Variants in NIBAN1 observed in about 807,000 individuals in gnomAD.
NIBAN1 encodes the protein niban apoptosis regulator 1.
A neutral mutation model predicts 75.1 loss-of-function variants in NIBAN1; 81 were observed. The ratio of observed to expected loss-of-function variants is 1.08; its 90% CI spans 0.90 to 1.30. NIBAN1 has a LOEUF of 1.30. Among genes scored for constraint, NIBAN1 ranks in the 50% most tolerant of loss-of-function variants. The pLI, the probability that NIBAN1 is intolerant of heterozygous loss-of-function variation, is 0.00. For missense variants in NIBAN1, 1,133 were observed against 1,128.1 expected (o/e 1.00, Z -0.06); for synonymous variants, 436 against 424.8 (o/e 1.03, Z -0.32).
Position 184,818,780 on chromosome 1 carries a change from TG to T in NIBAN1, c.1030del (p.Gln344SerfsTer15), listed in dbSNP as rs750030474. 8 of 1,610,596 alleles carry T rather than the reference TG, an allele frequency of 5.0e-6. No individual in the cohort carries two copies. The highest frequency in any genetic ancestry group is 6.8e-6 in the Non-Finnish European group (8 of 1,177,466). On this transcript the variant is annotated frameshift_variant, in exon 9 of 14. Coordinates refer to ENST00000367511, the MANE Select transcript of NIBAN1 (RefSeq NM_052966.4). LOFTEE classifies it high-confidence loss of function. Reference sequence around the variant, plus strand: ...CTCCAGGATGGATGCCAGGAATGGCTGCACACTCTCCAAGCAGCTTTTCTCC... The same window carrying T: ...CTCCAGGATGGATGCCAGGAATGGCTCACACTCTCCAAGCAGCTTTTCTCC... ...PAEKSCLESV[Q>X]PFLASILEEL...
rs558564524 is a variant in NIBAN1, at chr1:184,814,795, T to C, written c.1173+3843A>G. On this transcript the variant is annotated intron_variant, in intron 9 of 13. Transcript: ENST00000367511. ...ACTCCATGGTCTAAGTCAAATTACC[T>C]ATGATAAACCATTAGTTATCAGTGC... 7.2e-5 allele frequency among the ~76,000 whole-genome samples: 11 copies of C among 152,320 alleles called. No individual in the cohort carries two copies. In the South Asian group the frequency reaches 2.1e-3, roughly 29 times the overall value.
chr1:184,928,516 G>T (rs1657739450), intron 1 of NIBAN1, among the ~76,000 whole-genome samples: 1 of 152,126 alleles, frequency 6.6e-6, no homozygotes, highest in Admixed American at 6.5e-5. Flanking sequence ...CTGACCACTG[G>T]GATGCGTGAT....
At chr1:184,891,454 T>G (rs1656664377) in intron 3 of NIBAN1, among the ~76,000 whole-genome samples, 1 of 152,330 alleles carries the variant, frequency 6.6e-6, no homozygotes, top group South Asian at 2.1e-4. Flanking sequence ...CAATTTGATT[T>G]AGACTGGACT....
intron 1 of NIBAN1, among the ~76,000 whole-genome samples, chr1:184,925,297 G>A (rs1441793247): frequency 1.3e-5 from 2 of 151,986 alleles, no homozygotes; most frequent in African/African-American, 2.4e-5. Context: ...GCCTATGTGT[G>A]TCATTATAGG....
Position 184,795,291 on chromosome 1 carries a change from G to A in NIBAN1, c.2473C>T (p.His825Tyr). The A allele has an allele frequency of 1.9e-6, 3 of 1,612,658 alleles. No individual in the cohort carries two copies. Among genetic ancestry groups the A allele is most frequent in the South Asian group, 2.2e-5 (2 of 91,082 alleles). The change falls in exon 14 of 14, where the codon CAT (histidine) becomes TAT (tyrosine). Residue 825 changes from histidine (H) to tyrosine (Y), a missense_variant. Physicochemically the swap from His to Tyr is moderately conservative, Grantham distance 83. Coordinates refer to ENST00000367511, the MANE Select transcript of NIBAN1 (RefSeq NM_052966.4). ...LPGEACTLTA[H>Y]EGRGGKCTEE... ...GTACACTTGCCCCCTCTTCCTTCAT[G>A]GGCAGTGAGTGTGCAGGCCTCTCCT... is the stretch of plus-strand genomic sequence containing the variant.
At chr1:184,966,929 C>A (rs1380743420) in intron 1 of NIBAN1, among the ~76,000 whole-genome samples, 1 of 152,158 alleles carries the variant, frequency 6.6e-6, no homozygotes, top group Non-Finnish European at 1.5e-5. Context: ...TTCCATACAA[C>A]ATCAAGCATA....
At chr1:184,893,985 A>G in intron 3 of NIBAN1, 90 bp downstream of exon 3, 1 of 1,349,912 alleles carries the variant, frequency 7.4e-7, no homozygotes, top group Non-Finnish European at 9.9e-7. Context: ...TTGTTAGTAT[A>G]GCCTTGTAGG....
intron 1 of NIBAN1, among the ~76,000 whole-genome samples, chr1:184,921,154 G>A (rs917506960): frequency 4.0e-5 from 6 of 151,524 alleles, no homozygotes; most frequent in African/African-American, 9.7e-5. Context: ...AAAATTAGCC[G>A]GGCGTGGTGG....
chr1:184,818,786 C>G lies in NIBAN1; in HGVS notation c.1025G>C (p.Ser342Thr). 6 of 1,607,334 alleles carry G rather than the reference C, an allele frequency of 3.7e-6. No individual in the cohort carries two copies. The highest frequency in any genetic ancestry group is 5.1e-6 in the Non-Finnish European group (6 of 1,175,514). The change falls in exon 9 of 14, where the codon AGT (serine) becomes ACT (threonine). Residue 342 changes from serine (S) to threonine (T), a missense_variant. Physicochemically the swap from Ser to Thr is moderately conservative, Grantham distance 58. Coordinates refer to ENST00000367511, the MANE Select transcript of NIBAN1 (RefSeq NM_052966.4). ...AQPAEKSCLE[S>T]VQPFLASILE... ...GATGGATGCCAGGAATGGCTGCACA[C>G]TCTCCAAGCAGCTTTTCTCCGCCGG... is the stretch of plus-strand genomic sequence containing the variant.
chr1:184,885,308 G>A (rs1428624652), intron 4 of NIBAN1, among the ~76,000 whole-genome samples: 5 of 152,104 alleles, frequency 3.3e-5, no homozygotes, highest in African/African-American at 1.2e-4. Flanking sequence ...GAGTAGCTGG[G>A]ATTACAGGCA....
At chr1:184,871,832 G>C (rs1656116611) in intron 5 of NIBAN1, among the ~76,000 whole-genome samples, 1 of 152,154 alleles carries the variant, frequency 6.6e-6, no homozygotes. Context: ...TCAAACCTAG[G>C]CATTGAGTGA....
In NIBAN1 at chr1:184,811,305, A is replaced by C. The variant is rs938103607; in HGVS notation, c.1174-3070T>G. On this transcript the variant is annotated intron_variant, in intron 9 of 13. Coordinates refer to ENST00000367511, the MANE Select transcript of NIBAN1 (RefSeq NM_052966.4). ...CTTAGGTAGGAAAAATCATTGGCTAAGTTAAGAGAACCTGGGAGTAAAGCC... is the reference window on the plus strand; with the variant it reads ...CTTAGGTAGGAAAAATCATTGGCTACGTTAAGAGAACCTGGGAGTAAAGCC... 3.9e-5 allele frequency among the ~76,000 whole-genome samples: 6 copies of C among 152,280 alleles called. No individual in the cohort carries two copies. The East Asian group carries it at 1.2e-3, about 29-fold the overall frequency.
chr1:184,803,478 A>C (rs935328136), intron 12 of NIBAN1, 107 bp downstream of exon 12: 27 of 805,240 alleles, frequency 3.4e-5, no homozygotes, highest in Non-Finnish European at 4.3e-5. Flanking sequence ...ATGTCTGCCA[A>C]TCCCTCCCTG....
intron 1 of NIBAN1, among the ~76,000 whole-genome samples, chr1:184,925,835 T>TA (rs1398791739): frequency 2.0e-5 from 3 of 152,226 alleles, no homozygotes; most frequent in Non-Finnish European, 2.9e-5. Context: ...GTCCATCTTT[T>TA]AGTCTTTCTA....
intron 6 of NIBAN1, among the ~76,000 whole-genome samples, chr1:184,830,973 C>G (rs1353870204): frequency 6.8e-6 from 1 of 147,290 alleles, no homozygotes; most frequent in Non-Finnish European, 1.5e-5. Context: ...GTACTCCAGC[C>G]TGGGCCACAG....
In NIBAN1 at chr1:184,793,724, G is replaced by C. The variant is rs925753278; in HGVS notation, c.*1253C>G. 3 of 152,092 alleles carry C rather than the reference G, an allele frequency of 2.0e-5. No homozygotes were observed. The highest frequency in any genetic ancestry group is 7.2e-5 in the African/African-American group (3 of 41,402). The allele number at this position is 152,092 out of a possible 1,614,324, so 9.4% of individuals were successfully genotyped here. On this transcript the variant is annotated 3_prime_UTR_variant, in exon 14 of 14. Transcript: ENST00000367511. ...TCCATTTTCAACATTAATGGTTATA[G>C]GTCACCATCCGTTAAGAAGATGTGT...
intron 4 of NIBAN1, among the ~76,000 whole-genome samples, chr1:184,886,280 A>C (rs1347425802): frequency 6.6e-6 from 1 of 152,110 alleles, no homozygotes; most frequent in African/African-American, 2.4e-5. Context: ...CACTCAGGGT[A>C]GGGAGGCGGG....
intron 9 of NIBAN1, among the ~76,000 whole-genome samples, chr1:184,813,441 C>G (rs999154899): frequency 3.9e-5 from 6 of 152,182 alleles, no homozygotes; most frequent in African/African-American, 1.4e-4. Context: ...GGTTTGCTAA[C>G]TGCTTTGACT....
Position 184,831,839 on chromosome 1 carries a change from C to T in NIBAN1, c.717+8G>A, listed in dbSNP as rs114070602. 9.8e-4 allele frequency: 1,568 copies of T among 1,607,348 alleles called. 15 individuals carry two copies. In the African/African-American group the frequency reaches 0.017, roughly 18 times the overall value. On this transcript the variant is annotated splice_region_variant and intron_variant, in intron 6 of 13. Transcript: ENST00000367511. ...AGAGAGAATCCAAAATTTTGAACCC[C>T]ATATTACCTGGATTTCATCCCCAGT... is the stretch of plus-strand genomic sequence containing the variant.
Sources: allele counts gnomAD v4.1 joint callset (sites outside exome capture counted in the v4.1 genomes callset), GRCh38; gene constraint gnomAD v4.1.1; transcripts MANE v1.5; gene names NCBI Gene and HGNC (gene_info 2026-07-23, HGNC 2026-07-21).